The following REV1 variants were observed in gnomAD, a reference collection of about 807,000 sequenced individuals.
The protein encoded by REV1 is REV1 DNA directed polymerase.
REV1 carries 42 observed loss-of-function variants against 137.4 expected under a neutral mutation model. That is an observed-to-expected ratio of 0.31 (90% CI 0.24 to 0.40). REV1 has a LOEUF of 0.40. Ranked by LOEUF, REV1 falls within the 10% of genes least tolerant of loss-of-function variation. The pLI, the probability that REV1 is intolerant of heterozygous loss-of-function variation, is 1.00. For synonymous variants in REV1, 524 were observed against 519.2 expected (o/e 1.01, Z -0.12); for missense variants, 1,282 against 1,490.1 (o/e 0.86, Z 2.30).
intron 1 of REV1, among the ~76,000 whole-genome samples, chr2:99,489,132 CAG>C (rs1687406388): frequency 6.6e-6 from 1 of 152,170 alleles, no homozygotes; most frequent in African/African-American, 2.4e-5. Flanking sequence ...TGTAACAGTA[CAG>C]AAGTGGGCAA....
chr2:99,475,064 GA>G (rs1308176112), intron 1 of REV1, among the ~76,000 whole-genome samples: 1 of 152,176 alleles, frequency 6.6e-6, no homozygotes, highest in African/African-American at 2.4e-5. Context: ...GTGCCATAAA[GA>G]AACAGCACTT....
At chr2:99,431,236 T>A (rs1460134309) in intron 8 of REV1, among the ~76,000 whole-genome samples, 1 of 152,208 alleles carries the variant, frequency 6.6e-6, no homozygotes, top group East Asian at 1.9e-4. Flanking sequence ...TCAAACTGAC[T>A]AACATCTCGG....
At chr2:99,490,144 G>T (rs979855265), upstream of REV1, 2 of 144,816 alleles carry the variant, frequency 1.4e-5, no homozygotes, top group Non-Finnish European at 3.0e-5. Flanking sequence ...CCGGCCCGGG[G>T]CGACCCCAGC....
Position 99,439,155 on chromosome 2 carries a change from C to T in REV1, c.659G>A (p.Gly220Glu). 1.2e-6 allele frequency: 2 copies of T among 1,614,116 alleles called. No individual in the cohort carries two copies. The highest frequency in any genetic ancestry group is 1.7e-6 in the Non-Finnish European group (2 of 1,180,010). Residue 220 changes from glycine (G) to glutamate (E), a missense_variant, in exon 6 of 23, where the codon GGG becomes GAG. Physicochemically the swap from Gly to Glu is moderately conservative, Grantham distance 98. This residue lies in a region of REV1 where 432 missense variants were observed against 438.0 expected (regional missense o/e 0.99). Transcript: ENST00000258428. ...GTGTCCATTAAAAATGGCAGTGCTC[C>T]CTCTGGGATGCGGAATTCCATTCTG... ...RKQNGIPHPR[G>E]STAIFNGHTP...
chr2:99,461,980 T>C (rs911661274), intron 3 of REV1, among the ~76,000 whole-genome samples: 1 of 151,908 alleles, frequency 6.6e-6, no homozygotes, highest in African/African-American at 2.4e-5. Context: ...AATGAGAAAA[T>C]GAATAGAGAG....
In REV1 at chr2:99,480,480, G is replaced by A. The variant is rs1471387481; in HGVS notation, c.-11+9337C>T. 2.0e-5 allele frequency among the ~76,000 whole-genome samples: 3 copies of A among 152,332 alleles called. No homozygotes were observed. In the East Asian group the frequency reaches 5.8e-4, roughly 29 times the overall value. On this transcript the variant is annotated intron_variant, in intron 1 of 22. Coordinates refer to ENST00000258428, the MANE Select transcript of REV1 (RefSeq NM_016316.4). ...AAGAAGTTTAAACCTTACTTTGTAA[G>A]TTTTAAGCAAGTGTAAATTGGGTGG...
chr2:99,436,035 G>T, intron 6 of REV1, 94 bp from the exon 7 acceptor site: 1 of 754,268 alleles, frequency 1.3e-6, no homozygotes, highest in Non-Finnish European at 2.3e-6. Flanking sequence ...TTTAAAACAT[G>T]CTTACACCCA....
chr2:99,470,790 T>C (rs1169421004), intron 1 of REV1, among the ~76,000 whole-genome samples: 1 of 152,188 alleles, frequency 6.6e-6, no homozygotes, highest in Non-Finnish European at 1.5e-5. Context: ...GGTGGACGCA[T>C]CAGGTTATAA....
intron 12 of REV1, among the ~76,000 whole-genome samples, chr2:99,417,922 CAAATT>C (rs761112202): frequency 2.0e-4 from 30 of 152,236 alleles, no homozygotes; most frequent in Admixed American, 3.9e-4. Flanking sequence ...AAAGTATTCT[CAAATT>C]AAATGTGAAA....
At chr2:99,418,260 T>A (rs1338574925) in intron 12 of REV1, among the ~76,000 whole-genome samples, 1 of 152,188 alleles carries the variant, frequency 6.6e-6, no homozygotes, top group Admixed American at 6.5e-5. Context: ...AAATATGAAA[T>A]AACTGAACAT....
chr2:99,444,946 GATA>G (rs2104895079), intron 4 of REV1, among the ~76,000 whole-genome samples: 1 of 152,216 alleles, frequency 6.6e-6, no homozygotes, highest in East Asian at 1.9e-4. Context: ...TTATCCAAAA[GATA>G]ATACTACACG....
intron 12 of REV1, among the ~76,000 whole-genome samples, chr2:99,416,531 G>A (rs1677884833): frequency 6.6e-6 from 1 of 152,190 alleles, no homozygotes; most frequent in South Asian, 2.1e-4. Flanking sequence ...CTCTGAAGAA[G>A]AGAAGGCCAA....
At chr2:99,481,152 G>A (rs924319398) in intron 1 of REV1, among the ~76,000 whole-genome samples, 2 of 152,086 alleles carry the variant, frequency 1.3e-5, no homozygotes, top group Non-Finnish European at 2.9e-5. Context: ...GATTATCAAT[G>A]CCTCCACCCT....
chr2:99,476,333 A>T (rs1274045176), intron 1 of REV1, among the ~76,000 whole-genome samples: 1 of 152,088 alleles, frequency 6.6e-6, no homozygotes, highest in Admixed American at 6.5e-5. Flanking sequence ...TGAGGCGGGC[A>T]GATCACAAGG....
At chr2:99,464,228 T>A (rs1311099642) in intron 2 of REV1, among the ~76,000 whole-genome samples, 1 of 152,202 alleles carries the variant, frequency 6.6e-6, no homozygotes, top group African/African-American at 2.4e-5. Context: ...TAATTAAGCT[T>A]GATTTCAATT....
At chr2:99,434,989 T>G (rs1346841035) in intron 7 of REV1, among the ~76,000 whole-genome samples, 1 of 152,202 alleles carries the variant, frequency 6.6e-6, no homozygotes, top group Admixed American at 6.5e-5. Context: ...GTATGCATGT[T>G]AAGTTACAAG....
rs1244571353 is a variant in REV1 at position 99,489,828 on chromosome 2, C to A, written c.-22G>T. 6.7e-6 allele frequency: 1 copy of A among 149,094 alleles called. No homozygotes were observed. Among genetic ancestry groups the A allele is most frequent in the Non-Finnish European group, 1.5e-5 (1 of 66,864 alleles). The allele number at this position is 149,094 out of a possible 1,614,324, so 9.2% of individuals were successfully genotyped here. A position where few individuals can be genotyped will look rare whatever the true frequency, so the allele number is the denominator to read the frequency against. ...CGGGGGTCGCTCACCTTCCGCGTTG[C>A]CCCAGACCACCATGCCCGGGCCCGG... On this transcript the variant is annotated 5_prime_UTR_variant, in exon 1 of 23. Coordinates refer to ENST00000258428, the MANE Select transcript of REV1 (RefSeq NM_016316.4).
At chr2:99,482,915 G>C (rs1374337051) in intron 1 of REV1, among the ~76,000 whole-genome samples, 2 of 151,768 alleles carry the variant, frequency 1.3e-5, no homozygotes, top group African/African-American at 4.8e-5. Flanking sequence ...CACTTGGGAG[G>C]CTGAGGCAGG....
At chr2:99,414,633 T>G (rs1677609959) in intron 12 of REV1, among the ~76,000 whole-genome samples, 1 of 149,554 alleles carries the variant, frequency 6.7e-6, no homozygotes, top group Non-Finnish European at 1.5e-5. Context: ...GAAAGACTTT[T>G]TTCTTCAATT....
Sources: allele counts gnomAD v4.1 joint callset (sites outside exome capture counted in the v4.1 genomes callset), GRCh38; gene constraint gnomAD v4.1.1; regional missense constraint gnomAD v4.1.1; transcripts MANE v1.5; gene names NCBI Gene and HGNC (gene_info 2026-07-23, HGNC 2026-07-21).